The following ADAMTS16 variants were observed in gnomAD, a reference collection of about 807,000 sequenced individuals.
ADAMTS16 encodes ADAM metallopeptidase with thrombospondin type 1 motif 16.
In ADAMTS16, 94 loss-of-function variants were observed where a neutral mutation model predicts 145.8. The ratio of observed to expected loss-of-function variants is 0.64; its 90% CI spans 0.55 to 0.77. ADAMTS16 has a LOEUF of 0.77. ADAMTS16 is among the 30% of genes least tolerant of loss of function. The probability of loss-of-function intolerance (pLI) is 0.00; values close to 1 mark genes in which losing one functional copy is unlikely to be tolerated. For missense variants in ADAMTS16, 1,585 were observed against 1,591.5 expected, an observed-to-expected ratio of 1.00 and a Z score of 0.07; for synonymous variants, 659 against 604.3, an observed-to-expected ratio of 1.09 and a Z score of -1.33.
intron 17 of ADAMTS16, among the ~76,000 whole-genome samples, chr5:5,250,625 G>T (rs1266599096): frequency 6.6e-6 from 1 of 152,074 alleles, no homozygotes; most frequent in Non-Finnish European, 1.5e-5. Context: ...TGGTGGAGAG[G>T]GTGCTGTTTG....
chr5:5,151,124 T>A lies in ADAMTS16; in HGVS notation c.501+4669T>A, dbSNP rs547790050. Among the ~76,000 whole-genome samples, 7 of 152,194 alleles carry A rather than the reference T, an allele frequency of 4.6e-5. No individual in the cohort carries two copies. In the South Asian group the frequency reaches 1.5e-3, roughly 32 times the overall value. ...CATTGTGTGTACTGTACTTTTCAATTCCAAAATTTTTATTTCTTTCTTTTA... is the reference window on the plus strand; with the variant it reads ...CATTGTGTGTACTGTACTTTTCAATACCAAAATTTTTATTTCTTTCTTTTA... On this transcript the variant is annotated intron_variant, in intron 3 of 22. Transcript: ENST00000274181.
chr5:5,284,249 T>C (rs1739033218), intron 18 of ADAMTS16, among the ~76,000 whole-genome samples: 2 of 152,250 alleles, frequency 1.3e-5, no homozygotes, highest in Admixed American at 6.5e-5. Context: ...AAAATAAAGC[T>C]ATTGGCACAT....
chr5:5,228,391 T>G (rs895095789), intron 11 of ADAMTS16, among the ~76,000 whole-genome samples: 1 of 152,204 alleles, frequency 6.6e-6, no homozygotes, highest in Non-Finnish European at 1.5e-5. Context: ...AGAACCAAGA[T>G]TTTTAATATA....
intron 14 of ADAMTS16, among the ~76,000 whole-genome samples, chr5:5,237,775 G>A (rs1340511637): frequency 6.6e-6 from 1 of 152,090 alleles, no homozygotes; most frequent in Non-Finnish European, 1.5e-5. Flanking sequence ...TGAGGAGGGC[G>A]GGCAGACAGG....
At chr5:5,147,514 A>T (rs1431050612) in intron 3 of ADAMTS16, among the ~76,000 whole-genome samples, 2 of 152,212 alleles carry the variant, frequency 1.3e-5, no homozygotes, top group Non-Finnish European at 2.9e-5. Context: ...CCTGTAAAAA[A>T]ATTTTTTTAG....
intron 3 of ADAMTS16, 48 bp downstream of exon 3, chr5:5,146,503 G>A (rs1269638421): frequency 6.5e-7 from 1 of 1,533,202 alleles, no homozygotes; most frequent in Non-Finnish European, 8.8e-7. Context: ...TGGTGATGGT[G>A]GAAAGGAGAG....
intron 3 of ADAMTS16, among the ~76,000 whole-genome samples, chr5:5,153,877 T>C (rs1313987691): frequency 6.6e-6 from 1 of 152,224 alleles, no homozygotes; most frequent in African/African-American, 2.4e-5. Context: ...AATTATTGTT[T>C]TCAAAAATGT....
chr5:5,294,099 C>G (rs997621204), intron 18 of ADAMTS16, among the ~76,000 whole-genome samples: 1 of 152,180 alleles, frequency 6.6e-6, no homozygotes, highest in Non-Finnish European at 1.5e-5. Flanking sequence ...TTCTTGGCAG[C>G]AGAGTGGAGA....
intron 3 of ADAMTS16, among the ~76,000 whole-genome samples, chr5:5,172,798 A>C (rs1735081586): frequency 6.6e-6 from 1 of 151,944 alleles, no homozygotes; most frequent in African/African-American, 2.4e-5. Flanking sequence ...GTCCCTGGTG[A>C]TTTTCTGTCT....
rs994552164 is a variant in ADAMTS16 at position 5,207,845 on chromosome 5, T to C, written c.1452-1248T>C. Among the ~76,000 whole-genome samples the C allele has an allele frequency of 2.8e-4, 43 of 152,268 alleles. 1 individual carries two copies. Among genetic ancestry groups the C allele is most frequent in the African/African-American group, 9.9e-4 (41 of 41,556 alleles). On this transcript the variant is annotated intron_variant, in intron 9 of 22. Transcript: ENST00000274181. ...ATTACATTAATTGACTTTAGAATATTGAACAGACCTTGCAGACCTAGGATT... is the reference window on the plus strand; with the variant it reads ...ATTACATTAATTGACTTTAGAATATCGAACAGACCTTGCAGACCTAGGATT...
At position 5,245,914 on chromosome 5, in the gene ADAMTS16, G is replaced by A. The variant is rs186270999; in HGVS notation, c.2662+3723G>A. On this transcript the variant is annotated intron_variant, in intron 17 of 22. Coordinates refer to ENST00000274181, the MANE Select transcript of ADAMTS16 (RefSeq NM_139056.4). ...TTTTTAATTTCAATGTTCCTGCTTC[G>A]TCATGCTCTAACTGGACTCTCAGTG... 4.2e-3 allele frequency among the ~76,000 whole-genome samples: 641 copies of A among 151,642 alleles called. 9 individuals carry two copies. The highest frequency in any genetic ancestry group is 0.014 in the African/African-American group (590 of 41,294).
chr5:5,237,632 G>A (rs1450942879), intron 14 of ADAMTS16, among the ~76,000 whole-genome samples: 1 of 152,200 alleles, frequency 6.6e-6, no homozygotes, highest in Non-Finnish European at 1.5e-5. Context: ...TCTGGGAACA[G>A]TGGAGCCACA....
intron 18 of ADAMTS16, among the ~76,000 whole-genome samples, chr5:5,271,184 C>T (rs1295551849): frequency 3.9e-5 from 6 of 152,286 alleles, no homozygotes. Context: ...GCCTTGCAGG[C>T]TCCTGCAATT....
intron 18 of ADAMTS16, among the ~76,000 whole-genome samples, chr5:5,275,592 C>A (rs1330916546): frequency 3.3e-5 from 5 of 152,134 alleles, no homozygotes; most frequent in Non-Finnish European, 7.3e-5. Flanking sequence ...CTTTAAAATT[C>A]CACTTTGTAT....
In ADAMTS16 at chr5:5,296,750, G is replaced by T. The variant is rs749644008; in HGVS notation, c.2790-6518G>T. Among the ~76,000 whole-genome samples the T allele has an allele frequency of 3.9e-5, 6 of 152,284 alleles. No homozygotes were observed. The South Asian group carries it at 1.2e-3, about 32-fold the overall frequency. ...GCCCCTTTGTGCTATCGTTGGACAT[G>T]AGAACTTTGGATGTTAAGCCTGGTA... On this transcript the variant is annotated intron_variant, in intron 18 of 22. Coordinates refer to ENST00000274181, the MANE Select transcript of ADAMTS16 (RefSeq NM_139056.4).
chr5:5,301,102 C>T (rs1475743993), intron 18 of ADAMTS16, among the ~76,000 whole-genome samples: 6 of 152,034 alleles, frequency 3.9e-5, no homozygotes, highest in African/African-American at 4.8e-5. Context: ...GACAGAGTCC[C>T]GCTCTGTCAC....
rs201284761 is a variant in ADAMTS16 at position 5,303,315 on chromosome 5, G to A, written c.2837G>A (p.Gly946Asp). 7.7e-5 allele frequency: 123 copies of A among 1,598,246 alleles called. No homozygotes were observed. The highest frequency in any genetic ancestry group is 1.7e-6 in the Non-Finnish European group (2 of 1,171,024). ...GCCTGCAGTCGGACGTGTGGCGGGGGTGCCCAGAGCCGCCCCGTGCAGTGC... is the reference window on the plus strand; with the variant it reads ...GCCTGCAGTCGGACGTGTGGCGGGGATGCCCAGAGCCGCCCCGTGCAGTGC... ...WSACSRTCGG[G>D]AQSRPVQCTR... The change falls in exon 19 of 23, where the codon GGT becomes GAT. Residue 946 changes from glycine (G) to aspartate (D), a missense_variant. Coordinates refer to ENST00000274181, the MANE Select transcript of ADAMTS16 (RefSeq NM_139056.4).
rs141235745 is a variant in ADAMTS16, at chr5:5,281,736, A to G, written c.2789+18953A>G. ...GTAGAGTGAGAAAAATACCAGGGAC[A>G]TGCTTAATCCACTACCCTATTGGGT... On this transcript the variant is annotated intron_variant, in intron 18 of 22. Coordinates refer to ENST00000274181, the MANE Select transcript of ADAMTS16 (RefSeq NM_139056.4). 6.4e-3 allele frequency among the ~76,000 whole-genome samples: 976 copies of G among 152,350 alleles called. 13 individuals are homozygous for G. Among genetic ancestry groups the G allele is most frequent in the African/African-American group, 0.023 (939 of 41,574 alleles).
At position 5,220,319 on chromosome 5, in the gene ADAMTS16, CTG is replaced by C. The variant is rs1560954658; in HGVS notation, c.1606-2469_1606-2468del. Reference sequence around the variant, plus strand: ...GGACTACAGGCACCCGCCACCACGCCTGGCTAATTTTTTATATTTTTAGTAGA... The same window carrying C: ...GGACTACAGGCACCCGCCACCACGCCGCTAATTTTTTATATTTTTAGTAGA... On this transcript the variant is annotated intron_variant, in intron 10 of 22. Transcript: ENST00000274181. Among the ~76,000 whole-genome samples the C allele has an allele frequency of 2.0e-5, 3 of 149,128 alleles. No individual in the cohort carries two copies. In the South Asian group the frequency reaches 6.5e-4, roughly 32 times the overall value.
Sources: gnomAD v4.1 joint callset for allele counts (sites outside exome capture counted in the v4.1 genomes callset) on GRCh38, gnomAD v4.1.1 for gene constraint, MANE v1.5 for transcripts, NCBI Gene and HGNC (gene_info 2026-07-23, HGNC 2026-07-21) for gene names.